The following GPHN variants were observed in gnomAD, a reference collection of about 807,000 sequenced individuals.
The protein encoded by GPHN is gephyrin.
Under a neutral mutation model 95.5 loss-of-function variants are expected in GPHN, and 17 were observed. That is an observed-to-expected ratio of 0.18 (90% confidence interval 0.12 to 0.27). The LOEUF (loss-of-function observed/expected upper bound fraction) is 0.27. Among genes scored for constraint, GPHN ranks in the 10% least tolerant of loss-of-function variants. GPHN has a pLI of 1.00. For synonymous variants in GPHN, 320 were observed against 322.5 expected, an observed-to-expected ratio of 0.99 and a Z score of 0.08; for missense variants, 660 against 978.1, an observed-to-expected ratio of 0.67 and a Z score of 4.34.
chr14:66,538,033 T>G (rs1211193203), intron 1 of GPHN, among the ~76,000 whole-genome samples: 1 of 152,174 alleles, frequency 6.6e-6, no homozygotes, highest in Non-Finnish European at 1.5e-5. Context: ...GGTCTCACTA[T>G]GTTGACCAGG....
the GPHN span, among the ~76,000 whole-genome samples, chr14:67,242,841 TG>T: frequency 6.6e-6 from 1 of 152,364 alleles, no homozygotes; most frequent in South Asian, 2.1e-4. Flanking sequence ...GACTTGAACT[TG>T]ACAAATTAAG....
At chr14:67,324,814 G>A in the GPHN span, among the ~76,000 whole-genome samples, 1 of 151,410 alleles carries the variant, frequency 6.6e-6, no homozygotes, top group Admixed American at 6.6e-5. Flanking sequence ...TGAACTCCTG[G>A]CCTCAAGAAA....
intron 11 of GPHN, among the ~76,000 whole-genome samples, chr14:67,078,766 G>A (rs2076586513): frequency 2.0e-5 from 3 of 152,108 alleles, no homozygotes; most frequent in Non-Finnish European, 4.4e-5. Flanking sequence ...TTGCAGAGAG[G>A]TATATCTGGC....
chr14:66,628,666 A>G (rs1410011298), intron 1 of GPHN, among the ~76,000 whole-genome samples: 4 of 152,114 alleles, frequency 2.6e-5, no homozygotes, highest in Non-Finnish European at 5.9e-5. Context: ...TCTTTCTTCA[A>G]TAATAAATTT....
chr14:66,574,581 G>A (rs1237280654), intron 1 of GPHN, among the ~76,000 whole-genome samples: 1 of 152,144 alleles, frequency 6.6e-6, no homozygotes, highest in African/African-American at 2.4e-5. Flanking sequence ...AGGTAGGTGT[G>A]GTGGATAATT....
At chr14:66,887,283 A>G (rs558024125) in intron 5 of GPHN, among the ~76,000 whole-genome samples, 1 of 152,238 alleles carries the variant, frequency 6.6e-6, no homozygotes, top group African/African-American at 2.4e-5. Context: ...AGTTCACTAA[A>G]AGCCTCACTA....
chr14:67,041,208 C>A (rs1470408294), intron 10 of GPHN, among the ~76,000 whole-genome samples: 2 of 151,892 alleles, frequency 1.3e-5, no homozygotes, highest in Non-Finnish European at 2.9e-5. Context: ...AATACAAACA[C>A]TTTCTTTTTT....
the GPHN span, chr14:67,205,013 C>G: frequency 6.4e-7 from 1 of 1,556,606 alleles, no homozygotes; most frequent in Non-Finnish European, 8.7e-7. Flanking sequence ...ACAGACAGCT[C>G]TGATATTACA....
At chr14:67,235,831 T>G in the GPHN span, among the ~76,000 whole-genome samples, 1 of 152,222 alleles carries the variant, frequency 6.6e-6, no homozygotes, top group African/African-American at 2.4e-5. Context: ...ATTCTAAATA[T>G]TGAATATCCT....
intron 1 of GPHN, among the ~76,000 whole-genome samples, chr14:66,613,686 T>C (rs2062877976): frequency 6.6e-6 from 1 of 152,142 alleles, no homozygotes; most frequent in African/African-American, 2.4e-5. Context: ...TATATGTTCT[T>C]ATTTTTCTTG....
rs1343792131 is a variant in GPHN at position 67,176,370 on chromosome 14, G to A, written c.2080-3208G>A. ...TTGTCGTTGGTTCTGTTTATGTGAT[G>A]GATTACGTCTATTGATTTGCATATG... On this transcript the variant is annotated intron_variant, in intron 21 of 22. Transcript: ENST00000478722. 3.9e-5 allele frequency among the ~76,000 whole-genome samples: 6 copies of A among 152,134 alleles called. No individual in the cohort carries two copies. In the East Asian group the frequency reaches 1.2e-3, roughly 29 times the overall value.
intron 11 of GPHN, among the ~76,000 whole-genome samples, chr14:67,063,908 T>A (rs550951743): frequency 6.6e-6 from 1 of 152,244 alleles, no homozygotes; most frequent in Non-Finnish European, 1.5e-5. Flanking sequence ...CTTTTCCTAA[T>A]TGAATACCTT....
intron 21 of GPHN, 183 bp downstream of exon 21, chr14:67,169,219 A>G (rs1339790620): frequency 2.6e-5 from 16 of 620,324 alleles, no homozygotes; most frequent in Admixed American, 8.0e-5. Flanking sequence ...CTCCTACTTC[A>G]TGACTTCTAA....
At chr14:67,348,583 G>A in the GPHN span, among the ~76,000 whole-genome samples, 4 of 152,064 alleles carry the variant, frequency 2.6e-5, no homozygotes, top group Admixed American at 6.5e-5. Context: ...GTGCAGTGGT[G>A]CAATCTCGGC....
chr14:67,001,585 T>C (rs1478751018), intron 9 of GPHN, among the ~76,000 whole-genome samples: 3 of 151,918 alleles, frequency 2.0e-5, no homozygotes, highest in African/African-American at 7.2e-5. Flanking sequence ...TTTTTCATCT[T>C]TGACATTTAG....
chr14:66,638,221 A>G (rs8017881), intron 1 of GPHN, among the ~76,000 whole-genome samples: 49,836 of 151,890 alleles, frequency 0.33, 12,045 homozygotes, highest in African/African-American at 0.66. Flanking sequence ...ATCACTTGAG[A>G]TCGGGAGTTC....
chr14:67,716,131 A>G, the GPHN span, among the ~76,000 whole-genome samples: 1 of 151,572 alleles, frequency 6.6e-6, no homozygotes, highest in Admixed American at 6.6e-5. Flanking sequence ...TGGGAGGCGG[A>G]GCTTGCAGTG....
chr14:66,633,536 A>G (rs1181683261), intron 1 of GPHN, among the ~76,000 whole-genome samples: 1 of 152,078 alleles, frequency 6.6e-6, no homozygotes, highest in East Asian at 1.9e-4. Flanking sequence ...ATTCTTTTTT[A>G]TTGCTGAATA....
At chr14:67,518,244 C>T in the GPHN span, among the ~76,000 whole-genome samples, 1 of 152,218 alleles carries the variant, frequency 6.6e-6, no homozygotes, top group Non-Finnish European at 1.5e-5. Context: ...GGGCCAGGAA[C>T]AGACAGGCTT....
Sources: allele counts gnomAD v4.1 joint callset (sites outside exome capture counted in the v4.1 genomes callset), GRCh38; gene constraint gnomAD v4.1.1; transcripts MANE v1.5; gene names NCBI Gene and HGNC (gene_info 2026-07-23, HGNC 2026-07-21).